Variants in STOX1 observed in about 807,000 individuals in gnomAD.
STOX1 encodes storkhead box 1.
STOX1 carries 57 observed loss-of-function variants against 74.8 expected under a neutral mutation model. The observed-to-expected ratio is 0.76, with a 90% CI of 0.62 to 0.95. STOX1 has a LOEUF of 0.95. Among genes scored for constraint, STOX1 ranks in the 40% least tolerant of loss-of-function variants. The probability of loss-of-function intolerance (pLI) is 0.00; values close to 1 mark genes in which losing one functional copy is unlikely to be tolerated. For missense variants in STOX1, 1,010 were observed against 1,117.0 expected (o/e 0.90, Z 1.37); for synonymous variants, 375 against 401.3 (o/e 0.93, Z 0.78).
At chr10:68,843,706 C>T (rs1156376974) in intron 1 of STOX1, among the ~76,000 whole-genome samples, 1 of 151,994 alleles carries the variant, frequency 6.6e-6, no homozygotes, top group African/African-American at 2.4e-5. Flanking sequence ...TACAGGTGCC[C>T]ATCATCACGC....
At chr10:68,890,005 T>C (rs541858509) in intron 3 of STOX1, among the ~76,000 whole-genome samples, 274 of 151,754 alleles carry the variant, frequency 1.8e-3, no homozygotes, top group African/African-American at 6.4e-3. Context: ...GCCAGGCTGG[T>C]CTCGAACTCC....
intron 2 of STOX1, among the ~76,000 whole-genome samples, chr10:68,883,137 G>A (rs1840850390): frequency 6.6e-6 from 1 of 151,780 alleles, no homozygotes; most frequent in Non-Finnish European, 1.5e-5. Context: ...CAGCACTTTG[G>A]GAGGCCAAGG....
intron 1 of STOX1, among the ~76,000 whole-genome samples, chr10:68,841,741 C>T (rs1839696213): frequency 6.6e-6 from 1 of 152,170 alleles, no homozygotes; most frequent in Non-Finnish European, 1.5e-5. Context: ...TGCTGATGGT[C>T]TCCATCCAAG....
intron 1 of STOX1, chr10:68,829,132 A>G (rs1416050419): frequency 2.2e-5 from 7 of 312,064 alleles, no homozygotes; most frequent in Non-Finnish European, 3.3e-5. Context: ...CCTCTGTATT[A>G]GTCCATAAAT....
intron 1 of STOX1, among the ~76,000 whole-genome samples, chr10:68,840,200 C>G (rs1839658864): frequency 6.6e-6 from 1 of 152,134 alleles, no homozygotes; most frequent in African/African-American, 2.4e-5. Flanking sequence ...CGAGTTAAAT[C>G]TAAGACCGGA....
Position 68,886,065 on chromosome 10 carries a change from C to G in STOX1, c.2269C>G (p.Gln757Glu). The G allele has an allele frequency of 6.2e-7, 1 of 1,614,144 alleles. No homozygotes were observed. The highest frequency in any genetic ancestry group is 8.5e-7 in the Non-Finnish European group (1 of 1,180,036). ...DLRQMLPGHS[Q>E]YSFTGGSQGN... ...ACGTCAAATGCTGCCTGGCCACAGT[C>G]AGTATTCCTTCACAGGTGGAAGCCA... is the stretch of plus-strand genomic sequence containing the variant. Residue 757 changes from glutamine (Q) to glutamate (E), a missense_variant, in exon 3 of 4, where the codon CAG becomes GAG. Gln to Glu is a conservative substitution (Grantham distance 29). Coordinates refer to ENST00000298596, the MANE Select transcript of STOX1 (RefSeq NM_152709.5).
intron 1 of STOX1, among the ~76,000 whole-genome samples, chr10:68,852,732 G>T (rs1840020810): frequency 6.6e-6 from 1 of 151,526 alleles, no homozygotes; most frequent in South Asian, 2.1e-4. Context: ...ACAGGCACAT[G>T]CCACCATGCC....
At chr10:68,838,653 G>A (rs1839618588) in intron 1 of STOX1, among the ~76,000 whole-genome samples, 1 of 152,120 alleles carries the variant, frequency 6.6e-6, no homozygotes, top group Admixed American at 6.5e-5. Flanking sequence ...GCTCATGCCT[G>A]TAATCCCAGC....
chr10:68,845,227 C>T (rs1193676115), intron 1 of STOX1, among the ~76,000 whole-genome samples: 1 of 152,086 alleles, frequency 6.6e-6, no homozygotes, highest in Non-Finnish European at 1.5e-5. Context: ...CCTCAGCACC[C>T]CCAAGTAGCT....
intron 2 of STOX1, among the ~76,000 whole-genome samples, 173 bp from the exon 3 acceptor site, chr10:68,884,085 CTG>C (rs1262938227): frequency 6.6e-6 from 1 of 152,214 alleles, no homozygotes; most frequent in Non-Finnish European, 1.5e-5. Context: ...TCCCAAAACT[CTG>C]GGATTATAGG....
chr10:68,874,622 C>A (rs1398663726), intron 1 of STOX1, among the ~76,000 whole-genome samples: 1 of 84,354 alleles, frequency 1.2e-5, no homozygotes, highest in African/African-American at 5.7e-5. Context: ...GATCCCGCCA[C>A]TGCACTCCAG....
At chr10:68,862,213 C>T (rs1277251904) in intron 1 of STOX1, among the ~76,000 whole-genome samples, 8 of 151,874 alleles carry the variant, frequency 5.3e-5, no homozygotes, top group East Asian at 1.9e-4. Flanking sequence ...AATGAAACAC[C>T]GAGAGTGTCT....
At position 68,884,661 on chromosome 10, in the gene STOX1, G is replaced by T; in HGVS notation, c.865G>T (p.Glu289Ter). Residue 289 changes from glutamate to a stop codon, truncating the protein, a stop_gained, in exon 3 of 4, where the codon GAG (glutamate) becomes TAG (stop). Transcript: ENST00000298596. LOFTEE classifies it high-confidence loss of function. ...GAATGGGGCAGTTTCAGTGTCTGCG[G>T]AGCACCACATTTGTGAGAGCACCAA... ...VQNGAVSVSAEHHICESTKPL... is the reference protein window; with the variant it reads ...VQNGAVSVSA 1 of 1,614,066 alleles carries T rather than the reference G, an allele frequency of 6.2e-7. No individual in the cohort carries two copies. Among genetic ancestry groups the T allele is most frequent in the African/African-American group, 1.3e-5 (1 of 75,030 alleles).
In STOX1 at chr10:68,884,649, T is replaced by A; in HGVS notation, c.853T>A (p.Ser285Thr). Residue 285 changes from serine (S) to threonine (T), a missense_variant, in exon 3 of 4, where the codon TCA (serine) becomes ACA (threonine). Ser to Thr is a moderately conservative substitution (Grantham distance 58, BLOSUM62 1). Transcript: ENST00000298596. ...SVSWVQNGAVSVSAEHHICES... is the reference protein window; with the variant it reads ...SVSWVQNGAVTVSAEHHICES... ...ATCTTGGGTACAGAATGGGGCAGTT[T>A]CAGTGTCTGCGGAGCACCACATTTG... The A allele has an allele frequency of 6.2e-7, 1 of 1,614,126 alleles. No individual in the cohort carries two copies. The highest frequency in any genetic ancestry group is 1.1e-5 in the South Asian group (1 of 91,072).
At chr10:68,878,130 G>A (rs1840724302) in intron 1 of STOX1, among the ~76,000 whole-genome samples, 1 of 152,166 alleles carries the variant, frequency 6.6e-6, no homozygotes, top group Non-Finnish European at 1.5e-5. Flanking sequence ...CAAGATCACA[G>A]GAAAAGATGT....
At chr10:68,839,936 G>T (rs1217374107) in intron 1 of STOX1, among the ~76,000 whole-genome samples, 1 of 151,814 alleles carries the variant, frequency 6.6e-6, no homozygotes, top group Non-Finnish European at 1.5e-5. Flanking sequence ...AAAACCAAAA[G>T]GTATTACAAA....
intron 1 of STOX1, among the ~76,000 whole-genome samples, chr10:68,865,322 T>G (rs1840377676): frequency 6.6e-6 from 1 of 152,224 alleles, no homozygotes; most frequent in South Asian, 2.1e-4. Context: ...AAGGAGATAG[T>G]AAAGAAACAG....
At chr10:68,849,348 C>G (rs1001505696) in intron 1 of STOX1, among the ~76,000 whole-genome samples, 2 of 152,114 alleles carry the variant, frequency 1.3e-5, no homozygotes, top group African/African-American at 4.8e-5. Flanking sequence ...TGTTCTCAAC[C>G]CATTGAATCA....
At chr10:68,891,140 T>C (rs1841087810) in intron 3 of STOX1, among the ~76,000 whole-genome samples, 1 of 152,288 alleles carries the variant, frequency 6.6e-6, no homozygotes, top group South Asian at 2.1e-4. Context: ...TTCTTAAGGA[T>C]TGCTTATTTT....
Sources: gnomAD v4.1 joint callset for allele counts (sites outside exome capture counted in the v4.1 genomes callset) on GRCh38, gnomAD v4.1.1 for gene constraint, MANE v1.5 for transcripts, NCBI Gene and HGNC (gene_info 2026-07-23, HGNC 2026-07-21) for gene names.